Variants in CDH4 observed in about 807,000 individuals in gnomAD.
The protein encoded by CDH4 is cadherin-4.
In CDH4, 33 loss-of-function variants were observed where a neutral mutation model predicts 86.0. That is an observed-to-expected ratio of 0.38 (90% CI 0.29 to 0.51). The LOEUF (loss-of-function observed/expected upper bound fraction) is 0.51. CDH4 is among the 20% of genes least tolerant of loss of function. The pLI, the probability that CDH4 is intolerant of heterozygous loss-of-function variation, is 0.86. For synonymous variants in CDH4, 555 were observed against 549.4 expected, an observed-to-expected ratio of 1.01 and a Z score of -0.14; for missense variants, 1,114 against 1,307.4, an observed-to-expected ratio of 0.85 and a Z score of 2.28.
At position 61,918,638 on chromosome 20, in the gene CDH4, A is replaced by G. The variant is rs117686282; in HGVS notation, c.1375-4813A>G. On this transcript the variant is annotated intron_variant, in intron 9 of 15. Transcript: ENST00000614565. ...CACCCCTTCCTTCAGAGGGACAAGG[A>G]GACCACCCCTGGGGAGGATGAGGGC... Among the ~76,000 whole-genome samples, 67 of 152,220 alleles carry G rather than the reference A, an allele frequency of 4.4e-4. 1 individual carries two copies. The East Asian group carries it at 0.013, about 28-fold the overall frequency.
At chr20:61,380,909 AG>A (rs1207779214) in intron 2 of CDH4, among the ~76,000 whole-genome samples, 4 of 152,236 alleles carry the variant, frequency 2.6e-5, no homozygotes, top group Admixed American at 2.6e-4. Context: ...CACCCTTAGC[AG>A]GGGAAGATGT....
At position 61,684,717 on chromosome 20, in the gene CDH4, C is replaced by T. The variant is rs905772183; in HGVS notation, c.170-58846C>T. Reference sequence around the variant, plus strand: ...TTTTGTGCAAACAGCTCCCAATCCTCGCCAGCACCTGGGACCTGCCACACC... The same window carrying T: ...TTTTGTGCAAACAGCTCCCAATCCTTGCCAGCACCTGGGACCTGCCACACC... On this transcript the variant is annotated intron_variant, in intron 2 of 15. Transcript: ENST00000614565. This position sits in a 1 kb window ranked among gnomAD's most constrained non-coding sequence, Gnocchi z 4.5. Among the ~76,000 whole-genome samples the T allele has an allele frequency of 1.3e-5, 2 of 152,246 alleles. No individual in the cohort carries two copies. The highest frequency in any genetic ancestry group is 1.9e-4 in the East Asian group (1 of 5,172).
At position 61,552,465 on chromosome 20, in the gene CDH4, C is replaced by T. The variant is rs530098982; in HGVS notation, c.170-191098C>T. Among the ~76,000 whole-genome samples, 15 of 152,278 alleles carry T rather than the reference C, an allele frequency of 9.9e-5. 1 individual carries two copies. The highest frequency in any genetic ancestry group is 2.1e-4 in the South Asian group (1 of 4,828). On this transcript the variant is annotated intron_variant, in intron 2 of 15. Transcript: ENST00000614565. Reference sequence around the variant, plus strand: ...CTGTAATCCCAGCACTCTGGGAGTCCGAGGTGGGCGGATCACCTGAGGTCA... The same window carrying T: ...CTGTAATCCCAGCACTCTGGGAGTCTGAGGTGGGCGGATCACCTGAGGTCA...
At position 61,784,748 on chromosome 20, in the gene CDH4, A is replaced by G. The variant is rs992266433; in HGVS notation, c.576+11566A>G. On this transcript the variant is annotated intron_variant, in intron 4 of 15. Transcript: ENST00000614565. ...AGGCCCTCCGATATCCTGTGCCCCC[A>G]GGAGAATGTAAGCCCAGTTCCTCGG... Among the ~76,000 whole-genome samples, 10 of 139,798 alleles carry G rather than the reference A, an allele frequency of 7.2e-5. 1 individual carries two copies. The highest frequency in any genetic ancestry group is 2.6e-4 in the African/African-American group (9 of 34,250). 91.7% of individuals were successfully genotyped at this position (139,798 alleles called of 152,430 possible).
chr20:61,502,147 C>T (rs767278502), intron 2 of CDH4, among the ~76,000 whole-genome samples: 11 of 152,216 alleles, frequency 7.2e-5, no homozygotes, highest in East Asian at 3.9e-4. Flanking sequence ...TTGACGTGGA[C>T]GATCTAACCT....
At chr20:61,547,213 T>TTC (rs1568887274) in intron 2 of CDH4, among the ~76,000 whole-genome samples, 2 of 91,106 alleles carry the variant, frequency 2.2e-5, no homozygotes, top group African/African-American at 8.2e-5. Flanking sequence ...TTTTTTTTTT[T>TTC]TTTTTTTTTT....
intron 2 of CDH4, among the ~76,000 whole-genome samples, chr20:61,595,800 G>GT (rs2086553252): frequency 1.3e-5 from 2 of 152,224 alleles, no homozygotes; most frequent in South Asian, 2.1e-4. Flanking sequence ...TTGGGAGCAC[G>GT]TGGGTGGGAA....
At chr20:61,409,859 G>A (rs184559467) in intron 2 of CDH4, among the ~76,000 whole-genome samples, 81 of 140,224 alleles carry the variant, frequency 5.8e-4, no homozygotes, top group African/African-American at 2.5e-3. Context: ...CATAATTAAC[G>A]GTTGGGGGGC....
intron 2 of CDH4, among the ~76,000 whole-genome samples, chr20:61,294,116 C>G (rs939388129): frequency 2.1e-4 from 32 of 152,316 alleles, no homozygotes; most frequent in Non-Finnish European, 8.8e-5. Context: ...AACCCACGTC[C>G]TCATGGGTGG....
chr20:61,800,508 G>A (rs559762700), intron 4 of CDH4, among the ~76,000 whole-genome samples: 8 of 152,252 alleles, frequency 5.3e-5, no homozygotes, highest in East Asian at 1.9e-4. Flanking sequence ...TCTCCTCATC[G>A]CCCCCCACAG....
chr20:61,670,226 TC>T (rs1271331509), intron 2 of CDH4, among the ~76,000 whole-genome samples: 1 of 152,188 alleles, frequency 6.6e-6, no homozygotes, highest in Non-Finnish European at 1.5e-5. Flanking sequence ...TCTCGCTGCT[TC>T]CCTTTGAGTT....
chr20:61,503,934 G>C (rs528032732), intron 2 of CDH4, among the ~76,000 whole-genome samples: 1 of 152,168 alleles, frequency 6.6e-6, no homozygotes, highest in Non-Finnish European at 1.5e-5. Context: ...CCCAAACAGG[G>C]AGAAGAACAT....
chr20:61,558,259 C>A (rs1296239416), intron 2 of CDH4, among the ~76,000 whole-genome samples: 1 of 152,100 alleles, frequency 6.6e-6, no homozygotes, highest in Non-Finnish European at 1.5e-5. Context: ...GAATTCACAC[C>A]AAGAACCCTG....
At chr20:61,630,123 G>A (rs1376829002) in intron 2 of CDH4, among the ~76,000 whole-genome samples, 2 of 152,234 alleles carry the variant, frequency 1.3e-5, no homozygotes, top group African/African-American at 4.8e-5. Flanking sequence ...ATGCAGAGCA[G>A]TGCTCGGAGG....
chr20:61,871,748 G>A lies in CDH4; in HGVS notation c.878-1980G>A, dbSNP rs554706613. Among the ~76,000 whole-genome samples the A allele has an allele frequency of 3.3e-5, 5 of 152,288 alleles. No homozygotes were observed. The East Asian group carries it at 5.8e-4, about 18-fold the overall frequency. Reference sequence around the variant, plus strand: ...CAGAGGCTGATGGTCGCCAGGCCACGGCCCCTCCCACCCGTTTGCTTACTG... The same window carrying A: ...CAGAGGCTGATGGTCGCCAGGCCACAGCCCCTCCCACCCGTTTGCTTACTG... On this transcript the variant is annotated intron_variant, in intron 6 of 15. Coordinates refer to ENST00000614565, the MANE Select transcript of CDH4 (RefSeq NM_001794.5).
At chr20:61,484,100 T>C (rs1437700240) in intron 2 of CDH4, among the ~76,000 whole-genome samples, 1 of 152,060 alleles carries the variant, frequency 6.6e-6, no homozygotes. Context: ...TCCTACTTAG[T>C]TGGCCAGGCT....
intron 3 of CDH4, among the ~76,000 whole-genome samples, chr20:61,748,808 G>C (rs539043681): frequency 2.0e-5 from 3 of 151,736 alleles, no homozygotes; most frequent in Non-Finnish European, 4.4e-5. Flanking sequence ...ATCACTAAAA[G>C]AGTCATAAAA....
At chr20:61,921,748 CAAAAA>C (rs11468230) in intron 9 of CDH4, among the ~76,000 whole-genome samples, 92,527 of 134,758 alleles carry the variant, frequency 0.69, 33,424 homozygotes, top group Non-Finnish European at 0.81. Context: ...AAGACTCTGT[CAAAAA>C]AAAAAAAAAA....
At chr20:61,790,139 C>G (rs932434264) in intron 4 of CDH4, among the ~76,000 whole-genome samples, 4 of 151,778 alleles carry the variant, frequency 2.6e-5, no homozygotes, top group African/African-American at 9.7e-5. Flanking sequence ...CCTCTGTCCA[C>G]CCATCCACAC....
Sources: gnomAD v4.1 joint callset for allele counts (sites outside exome capture counted in the v4.1 genomes callset) on GRCh38, gnomAD v4.1.1 for gene constraint, Gnocchi (gnomAD v3.1) non-coding constraint, MANE v1.5 for transcripts, NCBI Gene and HGNC (gene_info 2026-07-23, HGNC 2026-07-21) for gene names.